POU6F2: variants seen among roughly 807,000 people sequenced by gnomAD.
POU6F2 encodes POU domain, class 6, transcription factor 2.
A neutral mutation model predicts 71.3 loss-of-function variants in POU6F2; 31 were observed. The ratio of observed to expected loss-of-function variants is 0.43; its 90% CI spans 0.33 to 0.59. The LOEUF is 0.59. Ranked by LOEUF, POU6F2 falls within the 20% of genes least tolerant of loss-of-function variation. The pLI, the probability that POU6F2 is intolerant of heterozygous loss-of-function variation, is 0.04. For missense variants in POU6F2, 783 were observed against 856.8 expected, an observed-to-expected ratio of 0.91 and a Z score of 1.07; for synonymous variants, 347 against 355.7, an observed-to-expected ratio of 0.98 and a Z score of 0.27.
chr7:39,371,186 T>G (rs1176248691), intron 5 of POU6F2, among the ~76,000 whole-genome samples: 5 of 151,972 alleles, frequency 3.3e-5, no homozygotes, highest in African/African-American at 4.8e-5. Flanking sequence ...AGAATGGTTT[T>G]TTTTTTTTTT....
intron 4 of POU6F2, among the ~76,000 whole-genome samples, chr7:39,278,218 C>T (rs1286860948): frequency 1.3e-5 from 2 of 152,008 alleles, no homozygotes; most frequent in African/African-American, 4.8e-5. Context: ...GAAGGCGTTT[C>T]GGAAAAGCTC....
chr7:39,376,007 A>G (rs1277297532), intron 5 of POU6F2, among the ~76,000 whole-genome samples: 1 of 152,164 alleles, frequency 6.6e-6, no homozygotes, highest in Non-Finnish European at 1.5e-5. Flanking sequence ...TTAAATTCTC[A>G]AAACCTCAGT....
At chr7:39,380,238 C>T (rs1562808940) in intron 5 of POU6F2, among the ~76,000 whole-genome samples, 1 of 152,124 alleles carries the variant, frequency 6.6e-6, no homozygotes, top group Non-Finnish European at 1.5e-5. Context: ...TGAGTGAGAC[C>T]CAGATTCTAA....
chr7:39,285,937 A>G (rs1398441929), intron 4 of POU6F2, among the ~76,000 whole-genome samples: 1 of 152,178 alleles, frequency 6.6e-6, no homozygotes, highest in Non-Finnish European at 1.5e-5. Flanking sequence ...GTAGCTCTAT[A>G]TTTCCAGCAC....
At chr7:39,224,787 A>G (rs1794431441) in intron 4 of POU6F2, among the ~76,000 whole-genome samples, 1 of 152,234 alleles carries the variant, frequency 6.6e-6, no homozygotes, top group Admixed American at 6.5e-5. Flanking sequence ...CACAGTGGGC[A>G]CAGAAAAAGG....
intron 2 of POU6F2, among the ~76,000 whole-genome samples, chr7:39,185,760 A>G (rs1041467163): frequency 4.6e-5 from 7 of 151,690 alleles, no homozygotes; most frequent in African/African-American, 1.7e-4. Flanking sequence ...GGAATTAGTA[A>G]ATTAATTAAG....
In POU6F2 at chr7:39,364,833, G is replaced by A. The variant is rs1786465877; in HGVS notation, c.972+24818G>A. Among the ~76,000 whole-genome samples, 3 of 152,074 alleles carry A rather than the reference G, an allele frequency of 2.0e-5. No individual in the cohort carries two copies. In the South Asian group the frequency reaches 6.2e-4, roughly 32 times the overall value. On this transcript the variant is annotated intron_variant, in intron 5 of 9. Transcript: ENST00000518318. ...GTAGTTCTACTTTTAGTTCTTTAAG[G>A]AATCTCTACACTGTTTTCCATAGTG...
At position 39,406,669 on chromosome 7, in the gene POU6F2, C is replaced by G; in HGVS notation, c.1042C>G (p.Gln348Glu). Residue 348 changes from glutamine (Q) to glutamate (E), a missense_variant, in exon 6 of 10, where the codon CAG becomes GAG. Physicochemically the swap from Gln to Glu is conservative, Grantham distance 29 (BLOSUM62 2). Around this residue, in one of 2 missense-constraint regions of POU6F2, gnomAD observed 572 missense variants for 572.9 expected, o/e 1.00. Transcript: ENST00000518318. ...AAAMSSIASS[Q>E]AFGNALSSLQ... ...AGCCATGAGCTCCATAGCAAGCTCACAGGCCTTTGGCAATGCCCTCTCCAG... is the reference window on the plus strand; with the variant it reads ...AGCCATGAGCTCCATAGCAAGCTCAGAGGCCTTTGGCAATGCCCTCTCCAG... The G allele has an allele frequency of 6.2e-7, 1 of 1,613,812 alleles. No homozygotes were observed. The highest frequency in any genetic ancestry group is 2.2e-5 in the East Asian group (1 of 44,886).
At chr7:39,011,745 CT>C (rs1789291737) in intron 1 of POU6F2, among the ~76,000 whole-genome samples, 1 of 149,278 alleles carries the variant, frequency 6.7e-6, no homozygotes, top group Non-Finnish European at 1.5e-5. Context: ...TCAGCATTTG[CT>C]TGTCTGTAAA....
intron 4 of POU6F2, among the ~76,000 whole-genome samples, chr7:39,286,731 T>C (rs993012189): frequency 2.6e-5 from 4 of 152,184 alleles, no homozygotes; most frequent in Non-Finnish European, 5.9e-5. Flanking sequence ...ATTAGTTTCA[T>C]AGAATGTTAA....
chr7:39,231,019 C>T (rs570554909), intron 4 of POU6F2, among the ~76,000 whole-genome samples: 1 of 152,202 alleles, frequency 6.6e-6, no homozygotes, highest in South Asian at 2.1e-4. Flanking sequence ...GTGCTACTGG[C>T]ATCTAGAGGG....
At chr7:38,990,303 A>G (rs934686225) in intron 1 of POU6F2, among the ~76,000 whole-genome samples, 1 of 152,152 alleles carries the variant, frequency 6.6e-6, no homozygotes, top group African/African-American at 2.4e-5. Context: ...GGCATCTTTT[A>G]TCTGGCTGTT....
intron 4 of POU6F2, among the ~76,000 whole-genome samples, chr7:39,288,982 C>A (rs6955599): frequency 0.46 from 69,593 of 152,012 alleles, 16,990 homozygotes; most frequent in Admixed American, 0.61. Context: ...CAAAACGGTG[C>A]GTTTTCTCCA....
At chr7:39,190,452 G>C (rs1187182254) in intron 2 of POU6F2, among the ~76,000 whole-genome samples, 2 of 110,174 alleles carry the variant, frequency 1.8e-5, no homozygotes, top group Non-Finnish European at 3.5e-5. Context: ...AAAAAGGTTT[G>C]AGTCAGTTAC....
chr7:39,460,231 T>C lies in POU6F2; in HGVS notation c.1490-316T>C, dbSNP rs1763045786. Among the ~76,000 whole-genome samples the C allele has an allele frequency of 6.6e-6, 1 of 152,236 alleles. No individual in the cohort carries two copies. The highest frequency in any genetic ancestry group is 1.5e-5 in the Non-Finnish European group (1 of 68,034). On this transcript the variant is annotated intron_variant, in intron 8 of 9. Transcript: ENST00000518318. This position sits in a 1 kb window ranked among gnomAD's most constrained non-coding sequence, Gnocchi z 4.4. Reference sequence around the variant, plus strand: ...TGGGCAAAATGGAGTCGCATTCCCATAGCAAGTGCCTCCCAGTGCTGGCTG... The same window carrying C: ...TGGGCAAAATGGAGTCGCATTCCCACAGCAAGTGCCTCCCAGTGCTGGCTG...
At chr7:39,013,356 A>G (rs1030165395) in intron 1 of POU6F2, 2 of 152,308 alleles carry the variant, frequency 1.3e-5, no homozygotes, top group Non-Finnish European at 1.5e-5. Context: ...TGCGCTTCCC[A>G]AGTGAGGCAA....
At chr7:39,402,852 A>C (rs148706750) in intron 5 of POU6F2, among the ~76,000 whole-genome samples, 144 of 152,350 alleles carry the variant, frequency 9.5e-4, no homozygotes, top group African/African-American at 3.2e-3. Context: ...CAAAGAAAAA[A>C]GATATTTATG....
intron 5 of POU6F2, among the ~76,000 whole-genome samples, chr7:39,382,398 G>A (rs955965101): frequency 1.3e-5 from 2 of 152,202 alleles, no homozygotes; most frequent in Non-Finnish European, 2.9e-5. Flanking sequence ...CAGAGACTCA[G>A]ACCTGGGCCA....
At chr7:39,455,030 C>T (rs1156361418) in intron 8 of POU6F2, among the ~76,000 whole-genome samples, 1 of 152,042 alleles carries the variant, frequency 6.6e-6, no homozygotes, top group Non-Finnish European at 1.5e-5. Context: ...TTATTTATAG[C>T]ACCTACACAC....
Sources: gnomAD v4.1 joint callset for allele counts (sites outside exome capture counted in the v4.1 genomes callset) on GRCh38, gnomAD v4.1.1 for gene constraint, gnomAD v4.1.1 regional missense constraint, Gnocchi (gnomAD v3.1) non-coding constraint, MANE v1.5 for transcripts, NCBI Gene and HGNC (gene_info 2026-07-23, HGNC 2026-07-21) for gene names.